CCSER1: variants seen among roughly 807,000 people sequenced by gnomAD.
CCSER1 encodes the protein serine-rich coiled-coil domain-containing protein 1.
A neutral mutation model predicts 82.0 loss-of-function variants in CCSER1; 41 were observed. The observed-to-expected ratio is 0.50, with a 90% CI of 0.39 to 0.65. The LOEUF (loss-of-function observed/expected upper bound fraction) is 0.65, where lower values mean the gene tolerates loss of function less well. Ranked by LOEUF, CCSER1 falls within the 30% of genes least tolerant of loss-of-function variation. The pLI, the probability that CCSER1 is intolerant of heterozygous loss-of-function variation, is 0.00. For synonymous variants in CCSER1, 414 were observed against 383.9 expected, an observed-to-expected ratio of 1.08 and a Z score of -0.92; for missense variants, 1,119 against 1,064.2, an observed-to-expected ratio of 1.05 and a Z score of -0.72.
intron 8 of CCSER1, among the ~76,000 whole-genome samples, chr4:90,892,441 C>T (rs888080731): frequency 1.3e-5 from 2 of 151,924 alleles, no homozygotes; most frequent in African/African-American, 4.8e-5. Context: ...ATTACTACTC[C>T]AGCTTTCCTT....
intron 10 of CCSER1, among the ~76,000 whole-genome samples, chr4:91,218,985 TAC>T (rs1205826343): frequency 6.6e-6 from 1 of 152,124 alleles, no homozygotes; most frequent in Non-Finnish European, 1.5e-5. Flanking sequence ...GTATTAAACA[TAC>T]ACAGAGAAAG....
chr4:90,708,407 C>A (rs901234309), intron 6 of CCSER1, among the ~76,000 whole-genome samples: 1 of 152,112 alleles, frequency 6.6e-6, no homozygotes, highest in East Asian at 1.9e-4. Context: ...AGTTCATTCA[C>A]CCCAAATTTA....
intron 10 of CCSER1, among the ~76,000 whole-genome samples, chr4:91,277,469 T>C (rs1742558351): frequency 6.6e-6 from 1 of 151,268 alleles, no homozygotes; most frequent in Non-Finnish European, 1.5e-5. Flanking sequence ...TTTGTTAGTA[T>C]ATATTTGTCC....
intron 10 of CCSER1, among the ~76,000 whole-genome samples, chr4:91,346,467 G>T (rs1271448113): frequency 6.6e-6 from 1 of 152,128 alleles, no homozygotes; most frequent in Non-Finnish European, 1.5e-5. Flanking sequence ...TTTGATGTGG[G>T]CATACAACAA....
At chr4:91,583,405 T>G (rs1336401421) in intron 10 of CCSER1, among the ~76,000 whole-genome samples, 1 of 151,394 alleles carries the variant, frequency 6.6e-6, no homozygotes, top group Admixed American at 6.6e-5. Context: ...TGCATCTATC[T>G]CCTTATGGTT....
chr4:90,270,853 A>G (rs1388362335), intron 1 of CCSER1, among the ~76,000 whole-genome samples: 3 of 152,176 alleles, frequency 2.0e-5, no homozygotes, highest in African/African-American at 7.2e-5. Context: ...ACAGTGAACA[A>G]TCTGAAAAAG....
At chr4:91,049,113 C>G in intron 9 of CCSER1, among the ~76,000 whole-genome samples, 1 of 152,064 alleles carries the variant, frequency 6.6e-6, no homozygotes, top group East Asian at 1.9e-4. Flanking sequence ...CTAGGGGTGA[C>G]TGTAATTAAT....
chr4:90,740,155 T>A (rs1047980880), intron 7 of CCSER1, among the ~76,000 whole-genome samples: 2 of 152,296 alleles, frequency 1.3e-5, no homozygotes, highest in East Asian at 1.9e-4. Flanking sequence ...TTATGTTTTT[T>A]AAAAGTATTT....
At chr4:90,643,540 A>G (rs1258223589) in intron 6 of CCSER1, among the ~76,000 whole-genome samples, 1 of 152,200 alleles carries the variant, frequency 6.6e-6, no homozygotes, top group African/African-American at 2.4e-5. Flanking sequence ...TAACAGTCAC[A>G]TATCACTTAG....
chr4:90,657,355 T>G (rs544882209), intron 6 of CCSER1, among the ~76,000 whole-genome samples: 1 of 152,306 alleles, frequency 6.6e-6, no homozygotes, highest in South Asian at 2.1e-4. Context: ...TCTTTGGCTT[T>G]TTGTAGTTTG....
At chr4:90,648,185 A>C (rs1727940756) in intron 6 of CCSER1, among the ~76,000 whole-genome samples, 1 of 151,794 alleles carries the variant, frequency 6.6e-6, no homozygotes, top group Admixed American at 6.6e-5. Context: ...GTTTATCAAC[A>C]AATTTTCATT....
In CCSER1 at chr4:91,590,842, T is replaced by A. The variant is rs188292882; in HGVS notation, c.2218-7730T>A. The stretch of plus-strand genomic sequence containing the variant: ...GGATTATATGTGTTTGCAAACTAAG[T>A]AACATAAAAATTAATTATAAAGGCT... On this transcript the variant is annotated intron_variant, in intron 10 of 10. Transcript: ENST00000509176. Among the ~76,000 whole-genome samples, 165 of 152,268 alleles carry A rather than the reference T, an allele frequency of 1.1e-3. 1 individual carries two copies. The highest frequency in any genetic ancestry group is 1.3e-4 in the Non-Finnish European group (9 of 68,024).
In CCSER1 at chr4:91,555,329, A is replaced by G. The variant is rs934676182; in HGVS notation, c.2218-43243A>G. 3.3e-5 allele frequency among the ~76,000 whole-genome samples: 5 copies of G among 151,156 alleles called. 1 individual carries two copies. The highest frequency in any genetic ancestry group is 1.2e-4 in the African/African-American group (5 of 41,186). On this transcript the variant is annotated intron_variant, in intron 10 of 10. Transcript: ENST00000509176. ...TTCAAAAATATTAATATCACTGATC[A>G]GCTAGGATAAGTTACTGTATAGTTT... is the stretch of plus-strand genomic sequence containing the variant.
At chr4:90,391,272 C>CAA (rs1215360899) in intron 3 of CCSER1, among the ~76,000 whole-genome samples, 21 of 35,002 alleles carry the variant, frequency 6.0e-4, no homozygotes, top group African/African-American at 4.1e-3. Flanking sequence ...GACTCTGTCT[C>CAA]AAAAAAAAAA....
At chr4:91,482,574 C>T (rs1757994785) in intron 10 of CCSER1, among the ~76,000 whole-genome samples, 1 of 151,988 alleles carries the variant, frequency 6.6e-6, no homozygotes, top group African/African-American at 2.4e-5. Flanking sequence ...TACCATTTGA[C>T]CCAGCCATCC....
intron 3 of CCSER1, among the ~76,000 whole-genome samples, chr4:90,326,579 A>C (rs972188794): frequency 6.6e-6 from 1 of 152,148 alleles, no homozygotes; most frequent in African/African-American, 2.4e-5. Context: ...TCTTTATTGT[A>C]TACATTTGTA....
At chr4:90,181,539 A>T (rs1365592692) in intron 1 of CCSER1, among the ~76,000 whole-genome samples, 16 of 152,292 alleles carry the variant, frequency 1.1e-4, no homozygotes, top group Admixed American at 1.0e-3. Flanking sequence ...AATATTTAAG[A>T]AAGAAACAGG....
At chr4:91,341,629 G>T (rs1180264642) in intron 10 of CCSER1, among the ~76,000 whole-genome samples, 1 of 152,052 alleles carries the variant, frequency 6.6e-6, no homozygotes, top group Admixed American at 6.6e-5. Flanking sequence ...TCGGCTCACT[G>T]CCTCCAGGTT....
At chr4:90,529,648 T>C (rs569648883) in intron 5 of CCSER1, among the ~76,000 whole-genome samples, 2 of 152,342 alleles carry the variant, frequency 1.3e-5, no homozygotes, top group African/African-American at 4.8e-5. Context: ...TAGTTGTTTT[T>C]AGAGATGAGT....
Sources: allele counts gnomAD v4.1 joint callset (sites outside exome capture counted in the v4.1 genomes callset), GRCh38; gene constraint gnomAD v4.1.1; transcripts MANE v1.5; gene names NCBI Gene and HGNC (gene_info 2026-07-23, HGNC 2026-07-21).